Variants in FRMD4A observed in about 807,000 individuals in gnomAD.
The protein encoded by FRMD4A is FERM domain-containing protein 4A.
A neutral mutation model predicts 129.1 loss-of-function variants in FRMD4A; 29 were observed. The ratio of observed to expected loss-of-function variants is 0.22; its 90% CI spans 0.17 to 0.31. FRMD4A has a LOEUF of 0.31. Ranked by LOEUF, FRMD4A falls within the 10% of genes least tolerant of loss-of-function variation. The pLI is 1.00. For missense variants in FRMD4A, 1,272 were observed against 1,375.8 expected (o/e 0.92, Z 1.19); for synonymous variants, 634 against 571.6 (o/e 1.11, Z -1.56).
chr10:14,214,529 A>G (rs1227372436), intron 2 of FRMD4A, among the ~76,000 whole-genome samples: 1 of 152,312 alleles, frequency 6.6e-6, no homozygotes, highest in Non-Finnish European at 1.5e-5. Flanking sequence ...AACCCAAAAT[A>G]TTTATACCTT....
At chr10:14,001,721 C>T (rs1440986690) in intron 2 of FRMD4A, among the ~76,000 whole-genome samples, 2 of 152,118 alleles carry the variant, frequency 1.3e-5, no homozygotes, top group African/African-American at 4.8e-5. Flanking sequence ...ATTGGAGTCC[C>T]CAGTAGTCTG....
chr10:14,241,656 T>C (rs1000067697), intron 2 of FRMD4A, among the ~76,000 whole-genome samples: 2 of 111,286 alleles, frequency 1.8e-5, no homozygotes, highest in African/African-American at 7.0e-5. Flanking sequence ...CTACAAAGCA[T>C]TGGAGAGGGA....
At chr10:14,115,269 G>A (rs1175375704) in intron 2 of FRMD4A, among the ~76,000 whole-genome samples, 2 of 152,196 alleles carry the variant, frequency 1.3e-5, no homozygotes, top group African/African-American at 4.8e-5. Context: ...CACGCTGCAG[G>A]TATAGGCAAA....
intron 2 of FRMD4A, among the ~76,000 whole-genome samples, chr10:14,193,458 ACACC>A (rs10560994): frequency 0.11 from 16,789 of 149,504 alleles, 1,753 homozygotes; most frequent in African/African-American, 0.27. Context: ...ATACATACAT[ACACC>A]CACCCACCCA....
chr10:13,941,435 T>G (rs1203872561), intron 2 of FRMD4A, among the ~76,000 whole-genome samples: 1 of 152,234 alleles, frequency 6.6e-6, no homozygotes, highest in African/African-American at 2.4e-5. Context: ...ATCAGCAGCG[T>G]GTAAACGGAC....
chr10:13,828,843 T>C (rs937501615), intron 3 of FRMD4A, among the ~76,000 whole-genome samples: 5 of 152,226 alleles, frequency 3.3e-5, no homozygotes, highest in African/African-American at 1.2e-4. Flanking sequence ...CCACGTTTTC[T>C]TTATCCAAGT....
chr10:13,930,655 G>C (rs190033793), intron 2 of FRMD4A, among the ~76,000 whole-genome samples: 2 of 152,276 alleles, frequency 1.3e-5, no homozygotes, highest in African/African-American at 4.8e-5. Context: ...GACAGATACA[G>C]GGACTGCAGC....
At chr10:14,069,581 G>A (rs1469571274) in intron 2 of FRMD4A, among the ~76,000 whole-genome samples, 3 of 151,800 alleles carry the variant, frequency 2.0e-5, no homozygotes, top group Non-Finnish European at 4.4e-5. Context: ...CAATTTAAGG[G>A]GATTTCCACA....
intron 2 of FRMD4A, among the ~76,000 whole-genome samples, chr10:14,035,597 G>A (rs1397879926): frequency 6.6e-6 from 1 of 152,088 alleles, no homozygotes; most frequent in African/African-American, 2.4e-5. Context: ...TCTGTTGTCT[G>A]TATTTTTCTC....
intron 2 of FRMD4A, among the ~76,000 whole-genome samples, chr10:14,080,589 T>C (rs1299658344): frequency 6.6e-6 from 1 of 152,110 alleles, no homozygotes; most frequent in Non-Finnish European, 1.5e-5. Context: ...AGTGGTTTGC[T>C]GCATCAGATG....
At chr10:14,209,530 G>A (rs1212232804) in intron 2 of FRMD4A, among the ~76,000 whole-genome samples, 2 of 152,098 alleles carry the variant, frequency 1.3e-5, no homozygotes, top group Admixed American at 6.5e-5. Context: ...GACCATCCTG[G>A]CTAACATGGT....
At chr10:14,182,724 G>A (rs934219020) in intron 2 of FRMD4A, among the ~76,000 whole-genome samples, 7 of 152,142 alleles carry the variant, frequency 4.6e-5, no homozygotes, top group Non-Finnish European at 1.0e-4. Context: ...TTCGACCGGG[G>A]GCTCTGCCCT....
intron 2 of FRMD4A, among the ~76,000 whole-genome samples, chr10:14,298,318 G>A (rs1373553412): frequency 6.6e-6 from 1 of 152,088 alleles, no homozygotes; most frequent in Admixed American, 6.5e-5. Context: ...GAATCCTCTT[G>A]GTCTAGTTTT....
At chr10:14,049,924 T>A (rs1834178958) in intron 2 of FRMD4A, among the ~76,000 whole-genome samples, 1 of 152,198 alleles carries the variant, frequency 6.6e-6, no homozygotes, top group East Asian at 1.9e-4. Context: ...TTTGCAGTTG[T>A]CTGATCCTGC....
chr10:14,166,899 A>G (rs1841210089), intron 2 of FRMD4A, among the ~76,000 whole-genome samples: 1 of 152,144 alleles, frequency 6.6e-6, no homozygotes, highest in Non-Finnish European at 1.5e-5. Flanking sequence ...TTGTTCATTT[A>G]CTCAGTCAAT....
intron 5 of FRMD4A, among the ~76,000 whole-genome samples, chr10:13,784,298 G>A (rs972476091): frequency 6.6e-6 from 1 of 152,126 alleles, no homozygotes; most frequent in African/African-American, 2.4e-5. Flanking sequence ...TCATCCTGCT[G>A]GGCTTCTGTT....
intron 3 of FRMD4A, among the ~76,000 whole-genome samples, chr10:13,849,624 C>T (rs1433236422): frequency 6.6e-6 from 1 of 151,508 alleles, no homozygotes; most frequent in Admixed American, 6.6e-5. Context: ...GGGATACAGG[C>T]ATGCACCACC....
chr10:13,674,816 A>G, intron 16 of FRMD4A, 95 bp downstream of exon 16: 2 of 1,326,824 alleles, frequency 1.5e-6, no homozygotes, highest in South Asian at 2.5e-5. Context: ...AAATGACATC[A>G]GTCAAATGAC....
At chr10:13,841,995 A>C (rs924360625) in intron 3 of FRMD4A, among the ~76,000 whole-genome samples, 4 of 152,146 alleles carry the variant, frequency 2.6e-5, no homozygotes, top group Non-Finnish European at 5.9e-5. Context: ...GCGATATTAC[A>C]ACTATCCTTC....
Sources: gnomAD v4.1 joint callset for allele counts (sites outside exome capture counted in the v4.1 genomes callset) on GRCh38, gnomAD v4.1.1 for gene constraint, MANE v1.5 for transcripts, NCBI Gene and HGNC (gene_info 2026-07-23, HGNC 2026-07-21) for gene names.